RELCH: variants seen among roughly 807,000 people sequenced by gnomAD.
RELCH encodes RAB11-binding protein RELCH.
A neutral mutation model predicts 150.3 loss-of-function variants in RELCH; 41 were observed. The observed-to-expected ratio is 0.27, with a 90% CI of 0.21 to 0.35. The LOEUF (loss-of-function observed/expected upper bound fraction) is 0.35. Among genes scored for constraint, RELCH ranks in the 10% least tolerant of loss-of-function variants. RELCH has a pLI of 1.00. For synonymous variants in RELCH, 478 were observed against 531.8 expected, an observed-to-expected ratio of 0.90 and a Z score of 1.39; for missense variants, 1,092 against 1,467.8, an observed-to-expected ratio of 0.74 and a Z score of 4.18.
At chr18:62,200,554 G>A (rs1263492245) in intron 1 of RELCH, among the ~76,000 whole-genome samples, 1 of 150,990 alleles carries the variant, frequency 6.6e-6, no homozygotes, top group African/African-American at 2.4e-5. Flanking sequence ...GTAAAAGGCT[G>A]TCCCCAACTT....
intron 27 of RELCH, 33 bp downstream of exon 27, chr18:62,291,664 T>C (rs759997685): frequency 1.5e-6 from 2 of 1,364,124 alleles, no homozygotes; most frequent in Non-Finnish European, 2.1e-6. Flanking sequence ...GCCATATTCA[T>C]GTTTTAATAC....
intron 13 of RELCH, among the ~76,000 whole-genome samples, chr18:62,257,045 A>G (rs1477423965): frequency 6.6e-6 from 1 of 152,046 alleles, no homozygotes; most frequent in African/African-American, 2.4e-5. Flanking sequence ...TACATACCAA[A>G]TCATGCTGTA....
intron 13 of RELCH, among the ~76,000 whole-genome samples, chr18:62,255,822 T>C (rs2042968546): frequency 6.6e-6 from 1 of 152,124 alleles, no homozygotes; most frequent in Non-Finnish European, 1.5e-5. Flanking sequence ...TTTCACTGTG[T>C]TGAAATTTGT....
chr18:62,308,417 ATG>A lies in RELCH; in HGVS notation c.*2885_*2886del, dbSNP rs1225539688. 3 of 152,316 alleles carry A rather than the reference ATG, an allele frequency of 2.0e-5. No individual in the cohort carries two copies. The highest frequency in any genetic ancestry group is 7.2e-5 in the African/African-American group (3 of 41,580). The allele number at this position is 152,316 out of a possible 1,614,324, so 9.4% of individuals were successfully genotyped here. A position where few individuals can be genotyped will look rare whatever the true frequency, so the allele number is the denominator to read the frequency against. ...AAGAAAGTTACACTTTAGCTCTTCA[ATG>A]TTACACTTAAAGAGCTTTGGACTGT... On this transcript the variant is annotated 3_prime_UTR_variant, in exon 29 of 29. Transcript: ENST00000644646.
In RELCH at chr18:62,273,982, A is replaced by G. The variant is rs1301903227; in HGVS notation, c.2763A>G (p.Glu921=). 6.2e-7 allele frequency: 1 copy of G among 1,602,402 alleles called. No homozygotes were observed. The part of the protein sequence containing the change: ...ATGVLTCYIQ[E]EDRKLLVGFL... ...GTATCAGTATTTTTCCTCTGTAGGA[A>G]GAAGACCGAAAACTGTTAGTTGGAT... is the stretch of plus-strand genomic sequence containing the variant. Residue 921 remains glutamate (E), a splice_region_variant and synonymous_variant, in exon 21 of 29, where the codon GAA becomes GAG. Coordinates refer to ENST00000644646, the MANE Select transcript of RELCH (RefSeq NM_001346231.2).
intron 19 of RELCH, 46 bp from the exon 20 acceptor site, chr18:62,268,823 A>C: frequency 1.0e-6 from 1 of 1,002,020 alleles, no homozygotes; most frequent in Non-Finnish European, 1.4e-6. Context: ...TTTTCTTTAC[A>C]CTTAAAATAT....
intron 13 of RELCH, 35 bp from the exon 14 acceptor site, chr18:62,257,913 G>A (rs576209893): frequency 2.0e-6 from 3 of 1,516,518 alleles, no homozygotes; most frequent in African/African-American, 2.8e-5. Flanking sequence ...CTGTGCTTAG[G>A]TGTAAATAAA....
intron 20 of RELCH, among the ~76,000 whole-genome samples, chr18:62,272,935 T>C (rs1314534381): frequency 6.6e-6 from 1 of 152,060 alleles, no homozygotes; most frequent in East Asian, 1.9e-4. Context: ...GTCAGTTAAA[T>C]TGTGTGTCCT....
intron 10 of RELCH, among the ~76,000 whole-genome samples, chr18:62,241,314 G>C (rs1461592960): frequency 6.6e-6 from 1 of 152,112 alleles, no homozygotes; most frequent in African/African-American, 2.4e-5. Context: ...GCCCACAACA[G>C]ATCTCTTGAG....
intron 22 of RELCH, chr18:62,277,692 AT>A: frequency 1.0e-6 from 1 of 974,786 alleles, no homozygotes; most frequent in Non-Finnish European, 1.2e-6. Context: ...ATTGAGTTTA[AT>A]TTTTAGACAG....
chr18:62,234,023 C>A (rs971986901), intron 10 of RELCH, among the ~76,000 whole-genome samples: 1 of 151,656 alleles, frequency 6.6e-6, no homozygotes, highest in African/African-American at 2.4e-5. Context: ...TCATGAAAAA[C>A]TGATCATCTA....
intron 5 of RELCH, among the ~76,000 whole-genome samples, chr18:62,225,653 T>A (rs1321198393): frequency 6.6e-6 from 1 of 151,982 alleles, no homozygotes; most frequent in African/African-American, 2.4e-5. Context: ...ACACGTTAAT[T>A]AGAATGTTTA....
At chr18:62,295,487 G>T (rs1157115469) in intron 27 of RELCH, among the ~76,000 whole-genome samples, 2 of 150,910 alleles carry the variant, frequency 1.3e-5, no homozygotes, top group Non-Finnish European at 3.0e-5. Flanking sequence ...TTTTGTTTAG[G>T]TTTGTTTTTC....
At chr18:62,210,370 C>G (rs138423787) in intron 1 of RELCH, among the ~76,000 whole-genome samples, 3 of 152,174 alleles carry the variant, frequency 2.0e-5, no homozygotes, top group Non-Finnish European at 4.4e-5. Flanking sequence ...CCCTAAGGCT[C>G]TGTTAATTTT....
At chr18:62,195,773 GC>G (rs1431868979) in intron 1 of RELCH, among the ~76,000 whole-genome samples, 1 of 150,832 alleles carries the variant, frequency 6.6e-6, no homozygotes, top group Non-Finnish European at 1.5e-5. Flanking sequence ...TTGGCTCACT[GC>G]CATCTCCACC....
At chr18:62,278,199 T>C (rs2044318803) in intron 22 of RELCH, among the ~76,000 whole-genome samples, 1 of 152,192 alleles carries the variant, frequency 6.6e-6, no homozygotes, top group South Asian at 2.1e-4. Context: ...TTACCTCTTT[T>C]TTAATGCTTT....
At chr18:62,237,024 T>C (rs974646497) in intron 10 of RELCH, among the ~76,000 whole-genome samples, 1 of 151,832 alleles carries the variant, frequency 6.6e-6, no homozygotes, top group Non-Finnish European at 1.5e-5. Context: ...GTTTTCTCAT[T>C]AATTCTTGAT....
rs1600130935 is a variant in RELCH at position 62,261,607 on chromosome 18, G to A, written c.2299G>A (p.Ala767Thr). 1 of 1,611,380 alleles carries A rather than the reference G, an allele frequency of 6.2e-7. No individual in the cohort carries two copies. The highest frequency in any genetic ancestry group is 8.5e-7 in the Non-Finnish European group (1 of 1,178,498). The change falls in exon 16 of 29, where the codon GCA becomes ACA. Residue 767 changes from alanine (A) to threonine (T), a missense_variant. Transcript: ENST00000644646. Reference protein sequence around the residue: ...PSLFALVLQNAPFSSKAKLHG... With the variant: ...PSLFALVLQNTPFSSKAKLHG... ...TCTCTTTGCATTAGTGCTACAGAAT[G>A]CACCTTTCTCCAGCAAAGCCAAGCT...
At chr18:62,220,735 A>G (rs1599886288) in intron 2 of RELCH, 2 of 314,310 alleles carry the variant, frequency 6.4e-6, no homozygotes, top group South Asian at 3.8e-5. Context: ...TAATATTTTT[A>G]TTTATCTAAA....
Sources: allele counts gnomAD v4.1 joint callset (sites outside exome capture counted in the v4.1 genomes callset), GRCh38; gene constraint gnomAD v4.1.1; transcripts MANE v1.5; gene names NCBI Gene and HGNC (gene_info 2026-07-23, HGNC 2026-07-21).